The following IFI16 variants were observed in gnomAD, a reference collection of about 807,000 sequenced individuals.
IFI16 encodes gamma-interferon-inducible protein 16.
IFI16 carries 49 observed loss-of-function variants against 68.4 expected under a neutral mutation model. That is an observed-to-expected ratio of 0.72 (90% CI 0.57 to 0.91). The LOEUF (loss-of-function observed/expected upper bound fraction) is 0.91. Ranked by LOEUF, IFI16 falls within the 40% of genes least tolerant of loss-of-function variation. The pLI is 0.00. For synonymous variants in IFI16, 307 were observed against 315.0 expected (o/e 0.97, Z 0.27); for missense variants, 878 against 942.9 (o/e 0.93, Z 0.90).
chr1:159,006,533 C>CT (rs897408497), upstream of IFI16, among the ~76,000 whole-genome samples: 2 of 152,168 alleles, frequency 1.3e-5, no homozygotes, highest in African/African-American at 4.8e-5. Context: ...CGCTGAGGAT[C>CT]TGTTTACCCA....
chr1:159,011,823 T>G (rs1360122354), intron 1 of IFI16, among the ~76,000 whole-genome samples: 1 of 152,186 alleles, frequency 6.6e-6, no homozygotes, highest in Non-Finnish European at 1.5e-5. Flanking sequence ...TAAATCAAAT[T>G]TGATGAAAGT....
At chr1:159,037,043 G>A (rs926013443) in intron 7 of IFI16, among the ~76,000 whole-genome samples, 1 of 152,172 alleles carries the variant, frequency 6.6e-6, no homozygotes, top group Non-Finnish European at 1.5e-5. Flanking sequence ...GCTTCAGGTG[G>A]ATAGACAGAG....
chr1:159,052,360 T>C (rs1655418526), intron 10 of IFI16: 1 of 465,008 alleles, frequency 2.2e-6, no homozygotes, highest in Non-Finnish European at 3.9e-6. Flanking sequence ...GTTTTGATGA[T>C]CTATTCAGAG....
chr1:159,013,377 C>T (rs58990010), intron 1 of IFI16, among the ~76,000 whole-genome samples: 7,643 of 151,844 alleles, frequency 0.05, 643 homozygotes, highest in African/African-American at 0.17. Context: ...ACTGTGTTAG[C>T]CAGGATGCTT....
At position 159,018,334 on chromosome 1, in the gene IFI16, G is replaced by A. The variant is rs1456301707; in HGVS notation, c.655G>A (p.Glu219Lys). 6.2e-7 allele frequency: 1 copy of A among 1,614,014 alleles called. No individual in the cohort carries two copies. The highest frequency in any genetic ancestry group is 1.7e-5 in the Admixed American group (1 of 60,028). ...VLSTTKPFEYETPEMEKKIMF... is the reference protein window; with the variant it reads ...VLSTTKPFEYKTPEMEKKIMF... ...GAGTACAACAAAGCCATTTGAATAT[G>A]AGACCCCAGAAATGGAGAAAAAAAT... Residue 219 changes from glutamate to lysine, a missense_variant, in exon 5 of 12, where the codon GAG (glutamate) becomes AAG (lysine). Glu to Lys is a moderately conservative substitution (Grantham distance 56). This residue lies in a region of IFI16 where 443 missense variants were observed against 421.8 expected (regional missense o/e 1.05). Coordinates refer to ENST00000295809, the MANE Select transcript of IFI16 (RefSeq NM_001376587.1).
At chr1:159,008,738 C>T (rs1652369231), upstream of IFI16, among the ~76,000 whole-genome samples, 1 of 152,128 alleles carries the variant, frequency 6.6e-6, no homozygotes, top group African/African-American at 2.4e-5. Flanking sequence ...TGTTTATGGC[C>T]ATCATTCCAG....
chr1:159,053,654 C>T lies in IFI16; in HGVS notation c.2207C>T (p.Thr736Ile), dbSNP rs1387268633. 1.2e-6 allele frequency: 2 copies of T among 1,613,854 alleles called. No individual in the cohort carries two copies. Among genetic ancestry groups the T allele is most frequent in the African/African-American group, 2.7e-5 (2 of 74,902 alleles). ...GAGGAAGGAGATAAACTGAAACTCA[C>T]CTGCTTTGAATTGGCACCGAAAAGT... is the stretch of plus-strand genomic sequence containing the variant. ...NCEEGDKLKL[T>I]CFELAPKSGN... Residue 736 changes from threonine (T) to isoleucine (I), a missense_variant, in exon 11 of 12, where the codon ACC becomes ATC. Transcript: ENST00000295809.
chr1:159,008,714 C>A (rs757638095), upstream of IFI16, among the ~76,000 whole-genome samples: 6 of 152,172 alleles, frequency 3.9e-5, no homozygotes, highest in Non-Finnish European at 8.8e-5. Flanking sequence ...AAGATTATCA[C>A]GAACACCCAG....
chr1:159,043,991 G>C (rs1272338500), intron 7 of IFI16, among the ~76,000 whole-genome samples: 1 of 152,060 alleles, frequency 6.6e-6, no homozygotes, highest in Non-Finnish European at 1.5e-5. Context: ...ATCAACAAGG[G>C]CATCATAAAG....
intron 1 of IFI16, chr1:159,000,481 T>C (rs1004533630): frequency 6.5e-6 from 1 of 153,280 alleles, no homozygotes; most frequent in Non-Finnish European, 1.5e-5. Flanking sequence ...AAATAACTTT[T>C]TAAGCAAGAT....
intron 7 of IFI16, among the ~76,000 whole-genome samples, chr1:159,042,279 AT>A (rs1337424448): frequency 6.6e-6 from 1 of 150,486 alleles, no homozygotes; most frequent in Admixed American, 6.7e-5. Context: ...AAGCATAACA[AT>A]TTTATATTTG....
Position 159,045,500 on chromosome 1 carries a change from TA to T in IFI16, c.1497+37del, listed in dbSNP as rs1308707153. 3 of 1,605,244 alleles carry T rather than the reference TA, an allele frequency of 1.9e-6. No individual in the cohort carries two copies. The Admixed American group carries it at 5.1e-5, about 27-fold the overall frequency. On this transcript the variant is annotated intron_variant, in intron 8 of 11. Transcript: ENST00000295809. ...CCTCTTCCCAATACATTCCCCTCAC[TA>T]CAATGTAATGACAAGGATTAACACA...
intron 7 of IFI16, among the ~76,000 whole-genome samples, chr1:159,041,491 T>C (rs1024206216): frequency 6.6e-6 from 1 of 152,188 alleles, no homozygotes; most frequent in African/African-American, 2.4e-5. Flanking sequence ...GAAGAGCAGA[T>C]AACTATTACC....
intron 7 of IFI16, among the ~76,000 whole-genome samples, chr1:159,035,937 C>T (rs1633265): frequency 0.72 from 109,915 of 152,044 alleles, 41,347 homozygotes; most frequent in Admixed American, 0.83. Flanking sequence ...GACTGTTTTA[C>T]TTAAATGAAT....
At chr1:159,045,826 C>T (rs1186062401) in intron 8 of IFI16, among the ~76,000 whole-genome samples, 1 of 151,096 alleles carries the variant, frequency 6.6e-6, no homozygotes. Flanking sequence ...TTTATTATAA[C>T]TCAAATAATA....
intron 6 of IFI16, among the ~76,000 whole-genome samples, chr1:159,029,316 C>T (rs924671981): frequency 6.6e-6 from 1 of 152,210 alleles, no homozygotes; most frequent in Non-Finnish European, 1.5e-5. Flanking sequence ...AAAGATAGTA[C>T]TCCAAACCTT....
At position 159,014,843 on chromosome 1, in the gene IFI16, A is replaced by G. The variant is rs889032253; in HGVS notation, c.163A>G (p.Lys55Glu). 13 of 1,614,008 alleles carry G rather than the reference A, an allele frequency of 8.1e-6. No individual in the cohort carries two copies. Among genetic ancestry groups the G allele is most frequent in the Non-Finnish European group, 1.1e-5 (13 of 1,179,968 alleles). The change falls in exon 2 of 12, where the codon AAG (lysine) becomes GAG (glutamate). Residue 55 changes from lysine to glutamate, a missense_variant. This residue lies in a region of IFI16 where 65 missense variants were observed against 96.9 expected (regional missense o/e 0.67). Transcript: ENST00000295809. Reference protein sequence around the residue: ...KIQIADLMEEKFRGDAGLGKL... With the variant: ...KIQIADLMEEEFRGDAGLGKL... ...TCAGATTGCTGACTTGATGGAAGAA[A>G]AGTTCCGAGGTGATGCTGGTTTGGG...
chr1:159,023,210 A>G (rs1193301744), intron 6 of IFI16, among the ~76,000 whole-genome samples: 1 of 152,190 alleles, frequency 6.6e-6, no homozygotes, highest in Non-Finnish European at 1.5e-5. Context: ...TAGGGCTGTT[A>G]ATCCTTGTAG....
chr1:159,049,226 A>G (rs1655192125), intron 8 of IFI16, among the ~76,000 whole-genome samples: 1 of 148,280 alleles, frequency 6.7e-6, no homozygotes, highest in South Asian at 2.1e-4. Flanking sequence ...CAGTTATCTG[A>G]GTTTTTAATC....
Sources: gnomAD v4.1 joint callset for allele counts (sites outside exome capture counted in the v4.1 genomes callset) on GRCh38, gnomAD v4.1.1 for gene constraint, gnomAD v4.1.1 regional missense constraint, MANE v1.5 for transcripts, NCBI Gene and HGNC (gene_info 2026-07-23, HGNC 2026-07-21) for gene names.